The following KIAA1671 variants were observed in gnomAD, a reference collection of about 807,000 sequenced individuals.
The protein encoded by KIAA1671 is uncharacterized protein KIAA1671.
Under a neutral mutation model 131.2 loss-of-function variants are expected in KIAA1671, and 52 were observed. The ratio of observed to expected loss-of-function variants is 0.40; its 90% CI spans 0.32 to 0.50. The LOEUF is 0.50. Ranked by LOEUF, KIAA1671 falls within the 20% of genes least tolerant of loss-of-function variation. KIAA1671 has a pLI of 0.73. For synonymous variants in KIAA1671, 1,003 were observed against 961.6 expected (o/e 1.04, Z -0.80); for missense variants, 2,360 against 2,364.2 (o/e 1.00, Z 0.04).
chr22:25,039,954 C>CAG lies in KIAA1671; in HGVS notation c.2828_2829dup (p.Met944GlufsTer14). The CAG allele has an allele frequency of 6.4e-7, 1 of 1,551,364 alleles. No individual in the cohort carries two copies. The highest frequency in any genetic ancestry group is 8.7e-7 in the Non-Finnish European group (1 of 1,146,854). On this transcript the variant is annotated frameshift_variant, in exon 5 of 13. Coordinates refer to ENST00000358431, the MANE Select transcript of KIAA1671 (RefSeq NM_001145206.2). LOFTEE classifies it high-confidence loss of function. ...AATGCGGAAAGCCGGCGCCATGGAC[C>CAG]AGAGAATGGACAGATGGCGGCGGCG...
intron 6 of KIAA1671, among the ~76,000 whole-genome samples, chr22:25,085,798 G>C (rs953519113): frequency 1.4e-5 from 2 of 147,544 alleles, no homozygotes; most frequent in Non-Finnish European, 3.0e-5. Context: ...AGGGAGGGAG[G>C]GAGGGAGGGA....
Position 25,079,910 on chromosome 22 carries a change from C to T in KIAA1671, c.4530+30546C>T, listed in dbSNP as rs112153532. Among the ~76,000 whole-genome samples, 625 of 152,168 alleles carry T rather than the reference C, an allele frequency of 4.1e-3. 3 individuals carry two copies. The highest frequency in any genetic ancestry group is 0.015 in the African/African-American group (603 of 41,506). ...TCAAGTAAGGGGACCAGTAAGGAAC[C>T]ACTGCAGTGGTCCAGGTGGGAGATG... On this transcript the variant is annotated intron_variant, in intron 6 of 12. Transcript: ENST00000358431.
At chr22:25,018,189 C>A (rs1925442030) in intron 1 of KIAA1671, among the ~76,000 whole-genome samples, 1 of 152,116 alleles carries the variant, frequency 6.6e-6, no homozygotes, top group African/African-American at 2.4e-5. Flanking sequence ...CTTTCCTCCT[C>A]CCCTACTAGA....
In KIAA1671 at chr22:25,115,881, A is replaced by AT. The variant is rs559823564; in HGVS notation, c.4531-54937dup. 1.2e-3 allele frequency among the ~76,000 whole-genome samples: 189 copies of AT among 152,216 alleles called. 1 individual carries two copies. The highest frequency in any genetic ancestry group is 4.4e-3 in the African/African-American group (184 of 41,524). On this transcript the variant is annotated intron_variant, in intron 6 of 12. Coordinates refer to ENST00000358431, the MANE Select transcript of KIAA1671 (RefSeq NM_001145206.2). ...AACCTCCACCTCCCAGGTTCAAGTG[A>AT]TTCTCCTGCCTCAGCCTCCCCAGTA...
chr22:25,028,301 C>T lies in KIAA1671; in HGVS notation c.302C>T (p.Pro101Leu). 1 of 1,551,214 alleles carries T rather than the reference C, an allele frequency of 6.4e-7. No individual in the cohort carries two copies. The highest frequency in any genetic ancestry group is 8.7e-7 in the Non-Finnish European group (1 of 1,147,014). Residue 101 changes from proline to leucine, a missense_variant, in exon 3 of 13, where the codon CCA (proline) becomes CTA (leucine). By Grantham distance (98) the Pro-to-Leu change is moderately conservative (BLOSUM62 -3). Coordinates refer to ENST00000358431, the MANE Select transcript of KIAA1671 (RefSeq NM_001145206.2). ...PSPSGGLSEE[P>L]AAKDLDNRMP... ...CCCTCTGGGGGGCTCTCTGAGGAGC[C>T]AGCAGCAAAGGATCTGGACAACAGG...
In KIAA1671 at chr22:24,986,718, C is replaced by CCCAT. The variant is rs899482265; in HGVS notation, c.-208+33964_-208+33967dup. On this transcript the variant is annotated intron_variant, in intron 1 of 12. Coordinates refer to ENST00000358431, the MANE Select transcript of KIAA1671 (RefSeq NM_001145206.2). Reference sequence around the variant, plus strand: ...ATCCATCCATCCATCCACCCACCCACCCATCCATCCATCCATCCATCACAA... The same window carrying CCCAT: ...ATCCATCCATCCATCCACCCACCCACCCATCCATCCATCCATCCATCCATCACAA... Among the ~76,000 whole-genome samples, 12 of 146,340 alleles carry CCCAT rather than the reference C, an allele frequency of 8.2e-5. No individual in the cohort carries two copies. In the South Asian group the frequency reaches 8.9e-4, roughly 11 times the overall value.
At chr22:25,101,558 A>G (rs1223788577) in intron 6 of KIAA1671, among the ~76,000 whole-genome samples, 2 of 152,368 alleles carry the variant, frequency 1.3e-5, no homozygotes, top group Middle Eastern at 3.4e-3. Flanking sequence ...TAAAATGACT[A>G]TTTGAAGAAG....
rs537242759 is a variant in KIAA1671 at position 25,142,700 on chromosome 22, C to T, written c.4531-28120C>T. On this transcript the variant is annotated intron_variant, in intron 6 of 12. Transcript: ENST00000358431. ...CAGCCTGACTGATATGGTGAAACCCCGTCTCTAATAAAAATAGAAAAATTA... is the reference window on the plus strand; with the variant it reads ...CAGCCTGACTGATATGGTGAAACCCTGTCTCTAATAAAAATAGAAAAATTA... Among the ~76,000 whole-genome samples the T allele has an allele frequency of 5.9e-5, 9 of 152,176 alleles. No individual in the cohort carries two copies. The South Asian group carries it at 1.0e-3, about 18-fold the overall frequency.
rs1929404695 is a variant in KIAA1671, at chr22:25,081,522, T to C, written c.4530+32158T>C. Among the ~76,000 whole-genome samples the C allele has an allele frequency of 2.0e-5, 3 of 152,208 alleles. No homozygotes were observed. In the South Asian group the frequency reaches 6.2e-4, roughly 32 times the overall value. On this transcript the variant is annotated intron_variant, in intron 6 of 12. Coordinates refer to ENST00000358431, the MANE Select transcript of KIAA1671 (RefSeq NM_001145206.2). ...TCCAAGGGAGGAATTGAACCCACAGTGTAGAAGTTGCTGGCTGCCTCGAGG... is the reference window on the plus strand; with the variant it reads ...TCCAAGGGAGGAATTGAACCCACAGCGTAGAAGTTGCTGGCTGCCTCGAGG...
chr22:24,960,191 G>A (rs778020387), intron 1 of KIAA1671, among the ~76,000 whole-genome samples: 2 of 151,250 alleles, frequency 1.3e-5, no homozygotes, highest in Non-Finnish European at 2.9e-5. Context: ...AATTTCACAC[G>A]TGAATTAAAA....
chr22:25,095,847 G>A (rs1479562684), intron 6 of KIAA1671, among the ~76,000 whole-genome samples: 3 of 152,110 alleles, frequency 2.0e-5, no homozygotes, highest in South Asian at 2.1e-4. Flanking sequence ...GTTAGCCTTC[G>A]GCTTTCTCCT....
chr22:25,154,534 G>T (rs780399482), intron 6 of KIAA1671, among the ~76,000 whole-genome samples: 4 of 152,244 alleles, frequency 2.6e-5, no homozygotes, highest in Non-Finnish European at 4.4e-5. Flanking sequence ...GGAGCTAGCT[G>T]TGAGTTAGAA....
chr22:25,052,917 T>A (rs1927616563), intron 6 of KIAA1671: 1 of 152,194 alleles, frequency 6.6e-6, no homozygotes, highest in Non-Finnish European at 1.5e-5. Flanking sequence ...GGTTTTGCCA[T>A]GTTGGCCAGG....
intron 6 of KIAA1671, among the ~76,000 whole-genome samples, chr22:25,132,281 A>G (rs767394819): frequency 6.6e-6 from 1 of 152,066 alleles, no homozygotes; most frequent in Non-Finnish European, 1.5e-5. Flanking sequence ...CCCAGGCCCC[A>G]CCTCCTAGAC....
chr22:25,179,974 G>A (rs1363199119), intron 9 of KIAA1671, among the ~76,000 whole-genome samples: 1 of 149,014 alleles, frequency 6.7e-6, no homozygotes, highest in East Asian at 2.0e-4. Flanking sequence ...AATGAGTTAG[G>A]GAAAGTTATT....
intron 6 of KIAA1671, chr22:25,063,559 G>A (rs1928295293): frequency 7.0e-6 from 1 of 142,888 alleles, no homozygotes; most frequent in Admixed American, 7.0e-5. Context: ...GGACTTGGGG[G>A]GAAGGTTGGG....
intron 1 of KIAA1671, among the ~76,000 whole-genome samples, chr22:24,970,245 G>A (rs1922527420): frequency 6.6e-6 from 1 of 152,126 alleles, no homozygotes; most frequent in Non-Finnish European, 1.5e-5. Flanking sequence ...AGACACCAGG[G>A]GAGAAGGACA....
At chr22:25,077,777 T>A (rs564740500) in intron 6 of KIAA1671, among the ~76,000 whole-genome samples, 52 of 152,340 alleles carry the variant, frequency 3.4e-4, no homozygotes, top group Non-Finnish European at 6.8e-4. Flanking sequence ...TGTGACCAGA[T>A]TTTTGAATGG....
intron 6 of KIAA1671, chr22:25,060,888 C>A (rs1418272257): frequency 6.6e-6 from 1 of 152,214 alleles, no homozygotes; most frequent in Non-Finnish European, 1.5e-5. Flanking sequence ...CCTGAAACAT[C>A]CAAATTTTCC....
Sources: gnomAD v4.1 joint callset for allele counts (sites outside exome capture counted in the v4.1 genomes callset) on GRCh38, gnomAD v4.1.1 for gene constraint, MANE v1.5 for transcripts, NCBI Gene and HGNC (gene_info 2026-07-23, HGNC 2026-07-21) for gene names.